Variants in CNTLN observed in about 807,000 individuals in gnomAD.
CNTLN encodes the protein centlein, centrosomal protein.
In CNTLN, 212 loss-of-function variants were observed where a neutral mutation model predicts 180.0. The ratio of observed to expected loss-of-function variants is 1.18; its 90% CI spans 1.05 to 1.32. The LOEUF (loss-of-function observed/expected upper bound fraction) is 1.32, where lower values mean the gene tolerates loss of function less well. CNTLN is among the 40% of genes most tolerant of loss of function. The probability of loss-of-function intolerance (pLI) is 0.00; values close to 1 mark genes in which losing one functional copy is unlikely to be tolerated. For missense variants in CNTLN, 2,095 were observed against 1,610.9 expected (o/e 1.30, Z -5.14); for synonymous variants, 722 against 563.1 (o/e 1.28, Z -3.99).
chr9:17,486,153 TC>T (rs1229600295), intron 24 of CNTLN, among the ~76,000 whole-genome samples: 2 of 152,160 alleles, frequency 1.3e-5, no homozygotes, highest in African/African-American at 4.8e-5. Flanking sequence ...CCTGTCATCT[TC>T]CAGAGGTCCA....
At chr9:17,342,215 G>A (rs564374752) in intron 11 of CNTLN, 110 bp from the exon 12 acceptor site, 43 of 1,047,302 alleles carry the variant, frequency 4.1e-5, no homozygotes, top group South Asian at 7.7e-5. Flanking sequence ...TGGTGAACTC[G>A]AGTTAGAAAT....
intron 2 of CNTLN, among the ~76,000 whole-genome samples, chr9:17,190,018 T>G (rs1226284240): frequency 2.0e-5 from 3 of 151,682 alleles, no homozygotes; most frequent in Non-Finnish European, 2.9e-5. Context: ...TCAATGCAGC[T>G]CCATCCTCTA....
intron 5 of CNTLN, among the ~76,000 whole-genome samples, chr9:17,249,666 T>A (rs1023486762): frequency 6.6e-6 from 1 of 152,020 alleles, no homozygotes; most frequent in Non-Finnish European, 1.5e-5. Context: ...TTTTTAAATT[T>A]CCACATACTT....
At chr9:17,498,978 A>G (rs1833599411) in intron 25 of CNTLN, among the ~76,000 whole-genome samples, 1 of 152,312 alleles carries the variant, frequency 6.6e-6, no homozygotes, top group East Asian at 1.9e-4. Flanking sequence ...GCATATAAAG[A>G]TAATATAATT....
At chr9:17,220,573 C>G (rs1345960506) in intron 2 of CNTLN, among the ~76,000 whole-genome samples, 2 of 152,028 alleles carry the variant, frequency 1.3e-5, no homozygotes, top group African/African-American at 2.4e-5. Flanking sequence ...TTTTCCTGAT[C>G]TTCTACCTCC....
At chr9:17,372,946 C>G (rs1189424315) in intron 13 of CNTLN, among the ~76,000 whole-genome samples, 3 of 152,146 alleles carry the variant, frequency 2.0e-5, no homozygotes, top group African/African-American at 7.2e-5. Flanking sequence ...GAGAAAATCT[C>G]TCAAAAAACT....
At chr9:17,311,654 C>G (rs1819143434) in intron 8 of CNTLN, among the ~76,000 whole-genome samples, 1 of 151,550 alleles carries the variant, frequency 6.6e-6, no homozygotes, top group Non-Finnish European at 1.5e-5. Flanking sequence ...ACTAGAAATA[C>G]AAAAATTAGC....
At chr9:17,166,134 A>G (rs1177567445) in intron 2 of CNTLN, among the ~76,000 whole-genome samples, 1 of 152,218 alleles carries the variant, frequency 6.6e-6, no homozygotes, top group Admixed American at 6.5e-5. Context: ...AAAACAAAGG[A>G]AAAAACTCCT....
chr9:17,439,875 C>G (rs1024834585), intron 18 of CNTLN, among the ~76,000 whole-genome samples: 5 of 152,200 alleles, frequency 3.3e-5, no homozygotes, highest in Non-Finnish European at 5.9e-5. Context: ...TCACCAGACA[C>G]CAGATCTATC....
chr9:17,327,827 C>G (rs1256733994), intron 8 of CNTLN, among the ~76,000 whole-genome samples: 1 of 151,886 alleles, frequency 6.6e-6, no homozygotes, highest in Non-Finnish European at 1.5e-5. Flanking sequence ...GTGGCAGATG[C>G]CTGTAATCCC....
intron 2 of CNTLN, among the ~76,000 whole-genome samples, chr9:17,176,933 A>AT (rs763183898): frequency 2.6e-5 from 4 of 152,152 alleles, no homozygotes; most frequent in Non-Finnish European, 4.4e-5. Flanking sequence ...GTTTCTTGAT[A>AT]TTGATAACAG....
At chr9:17,411,985 G>A (rs777913176) in intron 16 of CNTLN, among the ~76,000 whole-genome samples, 6 of 152,082 alleles carry the variant, frequency 3.9e-5, no homozygotes, top group African/African-American at 1.2e-4. Flanking sequence ...TGCAGAGATG[G>A]GGAATTTAAT....
intron 5 of CNTLN, among the ~76,000 whole-genome samples, chr9:17,270,014 C>T (rs943583780): frequency 1.3e-5 from 2 of 152,014 alleles, no homozygotes; most frequent in African/African-American, 4.8e-5. Context: ...TATAATCTTG[C>T]TCAACTCTAG....
intron 6 of CNTLN, among the ~76,000 whole-genome samples, chr9:17,282,683 C>G (rs593614): frequency 0.49 from 74,298 of 151,876 alleles, 19,226 homozygotes; most frequent in South Asian, 0.69. Flanking sequence ...TGAATGGTTT[C>G]AGTAGATTTC....
Position 17,366,712 on chromosome 9 carries a change from G to C in CNTLN, c.1982G>C (p.Arg661Thr). Residue 661 changes from arginine to threonine, a missense_variant, in exon 13 of 26, where the codon AGA (arginine) becomes ACA (threonine). Coordinates refer to ENST00000380647, the MANE Select transcript of CNTLN (RefSeq NM_017738.4). ...TTGAATAGATGTGTGGCAGAGAGAA[G>C]AGAAGGTAAATTTTCAGAAAATAAA... ...QELNRCVAERREEQLFRSGED... is the reference protein window; with the variant it reads ...QELNRCVAERTEEQLFRSGED... The C allele has an allele frequency of 6.5e-7, 1 of 1,542,606 alleles. No individual in the cohort carries two copies. Among genetic ancestry groups the C allele is most frequent in the Non-Finnish European group, 8.8e-7 (1 of 1,130,186 alleles).
chr9:17,481,318 A>T (rs952074722), intron 23 of CNTLN, among the ~76,000 whole-genome samples: 1 of 152,176 alleles, frequency 6.6e-6, no homozygotes, highest in Non-Finnish European at 1.5e-5. Flanking sequence ...CTTTAGCCCC[A>T]ACAACTATGG....
chr9:17,303,834 G>A (rs1053443828), intron 7 of CNTLN, among the ~76,000 whole-genome samples: 4 of 151,726 alleles, frequency 2.6e-5, no homozygotes, highest in African/African-American at 7.3e-5. Context: ...TAATATTTTC[G>A]AATAATAATT....
chr9:17,520,519 C>T, the CNTLN span, among the ~76,000 whole-genome samples: 3 of 152,192 alleles, frequency 2.0e-5, no homozygotes, highest in African/African-American at 7.2e-5. Flanking sequence ...AAATCCAACC[C>T]TGAATTGTAT....
chr9:17,514,184 C>T, the CNTLN span, among the ~76,000 whole-genome samples: 2 of 150,498 alleles, frequency 1.3e-5, no homozygotes, highest in African/African-American at 4.9e-5. Flanking sequence ...ATGACACATG[C>T]CTGTAGTCCC....
Sources: allele counts gnomAD v4.1 joint callset (sites outside exome capture counted in the v4.1 genomes callset), GRCh38; gene constraint gnomAD v4.1.1; transcripts MANE v1.5; gene names NCBI Gene and HGNC (gene_info 2026-07-23, HGNC 2026-07-21).